The following PPARGC1A variants were observed in gnomAD, a reference collection of about 807,000 sequenced individuals.
PPARGC1A encodes peroxisome proliferator-activated receptor gamma coactivator 1-alpha.
PPARGC1A carries 25 observed loss-of-function variants against 88.7 expected under a neutral mutation model. That is an observed-to-expected ratio of 0.28 (90% CI 0.21 to 0.39). The LOEUF (loss-of-function observed/expected upper bound fraction) is 0.39, where lower values mean the gene tolerates loss of function less well. Ranked by LOEUF, PPARGC1A falls within the 10% of genes least tolerant of loss-of-function variation. The probability of loss-of-function intolerance (pLI) is 1.00; values close to 1 mark genes in which losing one functional copy is unlikely to be tolerated. For synonymous variants in PPARGC1A, 363 were observed against 355.6 expected (o/e 1.02, Z -0.24); for missense variants, 880 against 968.7 (o/e 0.91, Z 1.22).
At chr4:24,026,889 C>T in the PPARGC1A span, among the ~76,000 whole-genome samples, 56 of 152,184 alleles carry the variant, frequency 3.7e-4, no homozygotes, top group Admixed American at 6.5e-4. Context: ...AAGCTGATAA[C>T]GTGCCTTAAA....
At chr4:23,859,320 A>T (rs555276471) in intron 2 of PPARGC1A, among the ~76,000 whole-genome samples, 18 of 152,188 alleles carry the variant, frequency 1.2e-4, no homozygotes, top group Non-Finnish European at 1.8e-4. Context: ...CATGTCAGAC[A>T]TGATCTTTGG....
chr4:24,126,267 C>CCCCACACACACACACACACA, the PPARGC1A span, among the ~76,000 whole-genome samples: 1 of 146,444 alleles, frequency 6.8e-6, no homozygotes, highest in Non-Finnish European at 1.5e-5. Flanking sequence ...TGGCTTCTCA[C>CCCCACACACACACACACACA]CACACACACA....
chr4:23,814,379 G>A lies in PPARGC1A; in HGVS notation c.1104C>T (p.His368=), dbSNP rs201394320. The A allele has an allele frequency of 1.0e-4, 166 of 1,613,590 alleles. 1 individual carries two copies. The highest frequency in any genetic ancestry group is 3.6e-4 in the East Asian group (16 of 44,842). Residue 368 remains histidine (H), a synonymous_variant, in exon 8 of 13, where the codon CAC becomes CAT. Coordinates refer to ENST00000264867, the MANE Select transcript of PPARGC1A (RefSeq NM_013261.5). ...LSKSSVLTGG[H]EERKTKRPSL... Reference sequence around the variant, plus strand: ...TGGGCCGCTTGGTCTTCCTTTCCTCGTGTCCACCAGTGAGGACTGAGGACT... The same window carrying A: ...TGGGCCGCTTGGTCTTCCTTTCCTCATGTCCACCAGTGAGGACTGAGGACT...
At chr4:24,097,059 G>A in the PPARGC1A span, among the ~76,000 whole-genome samples, 1 of 152,080 alleles carries the variant, frequency 6.6e-6, no homozygotes, top group African/African-American at 2.4e-5. Context: ...GTGCCACGGC[G>A]CTCCAGCCTG....
chr4:24,234,943 T>C, the PPARGC1A span, among the ~76,000 whole-genome samples: 1 of 152,226 alleles, frequency 6.6e-6, no homozygotes, highest in African/African-American at 2.4e-5. Context: ...AGAGGAATAA[T>C]GGAGACACGT....
the PPARGC1A span, among the ~76,000 whole-genome samples, chr4:24,040,327 C>T: frequency 6.6e-6 from 1 of 152,212 alleles, no homozygotes; most frequent in Non-Finnish European, 1.5e-5. Context: ...TTTCTCATCA[C>T]TGACCTCCAT....
the PPARGC1A span, among the ~76,000 whole-genome samples, chr4:24,244,786 CT>C: frequency 1.1e-4 from 16 of 152,316 alleles, no homozygotes; most frequent in South Asian, 4.1e-4. Context: ...CAACAAAGAA[CT>C]ATCAGGTCCA....
the PPARGC1A span, among the ~76,000 whole-genome samples, chr4:24,114,123 CAAAAAAA>C: frequency 3.5e-4 from 21 of 60,844 alleles, no homozygotes; most frequent in Non-Finnish European, 4.4e-4. Flanking sequence ...GACTCCATCA[CAAAAAAA>C]AAAAAAAAAA....
chr4:24,023,899 T>C, the PPARGC1A span, among the ~76,000 whole-genome samples: 1 of 152,344 alleles, frequency 6.6e-6, no homozygotes, highest in Middle Eastern at 3.4e-3. Context: ...ATAGCTGAGA[T>C]TGTTCTGTTA....
chr4:23,886,279 A>T (rs894130322), intron 1 of PPARGC1A, among the ~76,000 whole-genome samples: 5 of 152,188 alleles, frequency 3.3e-5, no homozygotes, highest in Admixed American at 3.3e-4. Context: ...TTTTGAATGA[A>T]ATAAGTTTTA....
the PPARGC1A span, among the ~76,000 whole-genome samples, chr4:24,024,985 C>G: frequency 1.3e-5 from 2 of 152,254 alleles, no homozygotes; most frequent in East Asian, 3.9e-4. Context: ...ATAGAAGTAA[C>G]GACATGTTAC....
At chr4:24,175,821 A>T in the PPARGC1A span, among the ~76,000 whole-genome samples, 1 of 152,008 alleles carries the variant, frequency 6.6e-6, no homozygotes, top group Non-Finnish European at 1.5e-5. Context: ...TACTCAACAG[A>T]AAAAAACATG....
the PPARGC1A span, among the ~76,000 whole-genome samples, chr4:24,209,020 C>A: frequency 6.6e-6 from 1 of 152,116 alleles, no homozygotes; most frequent in African/African-American, 2.4e-5. Flanking sequence ...AGCTACCAAG[C>A]CCACTATACC....
chr4:23,937,152 G>T, the PPARGC1A span, among the ~76,000 whole-genome samples: 1 of 151,396 alleles, frequency 6.6e-6, no homozygotes. Context: ...AAGGATACGA[G>T]ATACTATATG....
the PPARGC1A span, among the ~76,000 whole-genome samples, chr4:24,323,693 T>G: frequency 6.6e-6 from 1 of 152,184 alleles, no homozygotes; most frequent in Non-Finnish European, 1.5e-5. Flanking sequence ...TGTTTGGTGG[T>G]CTCTTCACAC....
At position 23,793,534 on chromosome 4, in the gene PPARGC1A, G is replaced by C. The variant is rs886597275; in HGVS notation, c.*2288C>G. On this transcript the variant is annotated 3_prime_UTR_variant, in exon 13 of 13. Coordinates refer to ENST00000264867, the MANE Select transcript of PPARGC1A (RefSeq NM_013261.5). Reference sequence around the variant, plus strand: ...AAATCCATCTTACAAGATCGTGTTGGGCGAGAGAAAGGAAAAGAACAATTG... The same window carrying C: ...AAATCCATCTTACAAGATCGTGTTGCGCGAGAGAAAGGAAAAGAACAATTG... The C allele has an allele frequency of 2.0e-5, 3 of 152,358 alleles. No individual in the cohort carries two copies. Among genetic ancestry groups the C allele is most frequent in the African/African-American group, 7.2e-5 (3 of 41,410 alleles). 9.4% of individuals were successfully genotyped at this position (152,358 alleles called of 1,614,324 possible).
At chr4:24,374,429 G>A in the PPARGC1A span, among the ~76,000 whole-genome samples, 1 of 151,982 alleles carries the variant, frequency 6.6e-6, no homozygotes, top group African/African-American at 2.4e-5. Flanking sequence ...AGGAGGGAGA[G>A]GATCAGGGAA....
At chr4:24,174,441 G>T in the PPARGC1A span, among the ~76,000 whole-genome samples, 1 of 152,220 alleles carries the variant, frequency 6.6e-6, no homozygotes, top group Admixed American at 6.5e-5. Flanking sequence ...ATTTATAGGA[G>T]CAGGAAAGTT....
chr4:24,264,263 C>T, the PPARGC1A span, among the ~76,000 whole-genome samples: 46 of 152,236 alleles, frequency 3.0e-4, no homozygotes, highest in East Asian at 2.3e-3. Flanking sequence ...TTGTTCAAGG[C>T]TCAACTGCAT....
Sources: gnomAD v4.1 joint callset for allele counts (sites outside exome capture counted in the v4.1 genomes callset) on GRCh38, gnomAD v4.1.1 for gene constraint, MANE v1.5 for transcripts, NCBI Gene and HGNC (gene_info 2026-07-23, HGNC 2026-07-21) for gene names.